VRK2: variants seen among roughly 807,000 people sequenced by gnomAD.
VRK2 encodes serine/threonine-protein kinase VRK2.
In VRK2, 60 loss-of-function variants were observed where a neutral mutation model predicts 57.6. The ratio of observed to expected loss-of-function variants is 1.04; its 90% CI spans 0.85 to 1.29. The LOEUF is 1.29. Among genes scored for constraint, VRK2 ranks in the 50% most tolerant of loss-of-function variants. The pLI, the probability that VRK2 is intolerant of heterozygous loss-of-function variation, is 0.00. For synonymous variants in VRK2, 231 were observed against 199.2 expected (o/e 1.16, Z -1.35); for missense variants, 705 against 588.1 (o/e 1.20, Z -2.06).
chr2:58,075,578 C>A (rs1669985949), intron 2 of VRK2, among the ~76,000 whole-genome samples: 1 of 152,100 alleles, frequency 6.6e-6, no homozygotes, highest in Non-Finnish European at 1.5e-5. Context: ...TAATAGTCAT[C>A]CTGACTGGTA....
chr2:57,939,635 G>A (rs1671029062), intron 1 of VRK2, among the ~76,000 whole-genome samples: 1 of 152,100 alleles, frequency 6.6e-6, no homozygotes, highest in South Asian at 2.1e-4. Flanking sequence ...TATACAAAAT[G>A]TTACTTTGAT....
At chr2:58,032,567 T>G (rs1010147395) in intron 2 of VRK2, among the ~76,000 whole-genome samples, 1 of 151,894 alleles carries the variant, frequency 6.6e-6, no homozygotes, top group Non-Finnish European at 1.5e-5. Flanking sequence ...ACTGACGCAG[T>G]TCTCCATCCT....
At chr2:58,107,449 G>A (rs911126988) in intron 7 of VRK2, among the ~76,000 whole-genome samples, 1 of 152,000 alleles carries the variant, frequency 6.6e-6, no homozygotes. Context: ...TTTAAAAAGT[G>A]GTGTCTAGCT....
At chr2:58,007,711 C>T (rs1457385357) in intron 1 of VRK2, among the ~76,000 whole-genome samples, 1 of 152,078 alleles carries the variant, frequency 6.6e-6, no homozygotes, top group Non-Finnish European at 1.5e-5. Context: ...AAAAGTTATA[C>T]ACAGATTTTC....
intron 12 of VRK2, among the ~76,000 whole-genome samples, chr2:58,159,006 C>CCCCCTTAAGATTA (rs1034849392): frequency 3.9e-5 from 6 of 152,152 alleles, no homozygotes; most frequent in Admixed American, 2.6e-4. Context: ...GGCTATCTTA[C>CCCCCTTAAGATTA]CCCCTTAAGA....
At chr2:58,110,342 T>G in intron 7 of VRK2, among the ~76,000 whole-genome samples, 1 of 152,274 alleles carries the variant, frequency 6.6e-6, no homozygotes, top group Middle Eastern at 3.4e-3. Context: ...TATATTCCTA[T>G]TTTTTCAATA....
At chr2:57,937,430 A>G (rs1441154822) in intron 1 of VRK2, among the ~76,000 whole-genome samples, 2 of 152,236 alleles carry the variant, frequency 1.3e-5, no homozygotes, top group African/African-American at 4.8e-5. Flanking sequence ...CACTAAGGAC[A>G]CAAATCACAG....
chr2:58,146,529 C>A, intron 12 of VRK2, 55 bp downstream of exon 12: 1 of 1,544,096 alleles, frequency 6.5e-7, no homozygotes, highest in South Asian at 1.2e-5. Flanking sequence ...TTAGAATATG[C>A]CCTTTGGGAA....
chr2:58,133,029 T>C (rs1679443218), intron 9 of VRK2, among the ~76,000 whole-genome samples: 1 of 152,188 alleles, frequency 6.6e-6, no homozygotes, highest in Admixed American at 6.5e-5. Context: ...GTTTTTGTAT[T>C]TAATTTTCCA....
At chr2:58,037,535 T>C (rs904023379) in intron 3 of VRK2, among the ~76,000 whole-genome samples, 3 of 152,104 alleles carry the variant, frequency 2.0e-5, no homozygotes, top group African/African-American at 4.8e-5. Flanking sequence ...AAAAAAGCTG[T>C]TTGTGGAAGA....
chr2:57,966,947 C>A (rs905526169), intron 1 of VRK2, among the ~76,000 whole-genome samples: 2 of 152,064 alleles, frequency 1.3e-5, no homozygotes, highest in Non-Finnish European at 1.5e-5. Flanking sequence ...GAAGGATCAG[C>A]ATGTGATCAG....
At chr2:57,956,632 G>A (rs73942255) in intron 1 of VRK2, among the ~76,000 whole-genome samples, 4,286 of 152,054 alleles carry the variant, frequency 0.028, 201 homozygotes, top group African/African-American at 0.098. Context: ...TTAGGTCTTC[G>A]TATGAAGAAC....
chr2:58,011,318 T>C (rs1343416518), intron 1 of VRK2, among the ~76,000 whole-genome samples: 7 of 152,172 alleles, frequency 4.6e-5, no homozygotes, highest in East Asian at 3.8e-4. Flanking sequence ...TCCAGTGAAA[T>C]TGGTTTTAGT....
At chr2:58,103,232 A>G (rs1674266784) in intron 7 of VRK2, among the ~76,000 whole-genome samples, 1 of 151,648 alleles carries the variant, frequency 6.6e-6, no homozygotes, top group African/African-American at 2.4e-5. Flanking sequence ...CAAAGATCAG[A>G]GCAGGACTAA....
At chr2:57,913,309 T>C (rs1670046815) in intron 1 of VRK2, among the ~76,000 whole-genome samples, 1 of 152,310 alleles carries the variant, frequency 6.6e-6, no homozygotes, top group East Asian at 1.9e-4. Flanking sequence ...AGGTATTTTA[T>C]AGGGATTACG....
At chr2:57,910,042 T>A (rs1470604924) in intron 1 of VRK2, among the ~76,000 whole-genome samples, 1 of 151,620 alleles carries the variant, frequency 6.6e-6, no homozygotes. Context: ...ATTAAAATGG[T>A]AAATCACTTG....
intron 2 of VRK2, among the ~76,000 whole-genome samples, chr2:58,061,456 A>G (rs1348993924): frequency 1.3e-5 from 2 of 151,984 alleles, no homozygotes; most frequent in Non-Finnish European, 2.9e-5. Context: ...CATTGGAAAA[A>G]AAGTCTGTAA....
chr2:57,947,698 A>G (rs1671304276), intron 1 of VRK2, among the ~76,000 whole-genome samples: 1 of 152,186 alleles, frequency 6.6e-6, no homozygotes, highest in Non-Finnish European at 1.5e-5. Flanking sequence ...TATCTATCAC[A>G]TGAGTTGTGT....
At chr2:58,044,783 A>C (rs973183525), upstream of VRK2, among the ~76,000 whole-genome samples, 2 of 152,210 alleles carry the variant, frequency 1.3e-5, no homozygotes, top group African/African-American at 2.4e-5. Context: ...CTGTGGTTGA[A>C]GAGAGTAATA....
Sources: gnomAD v4.1 joint callset for allele counts (sites outside exome capture counted in the v4.1 genomes callset) on GRCh38, gnomAD v4.1.1 for gene constraint, MANE v1.5 for transcripts, NCBI Gene and HGNC (gene_info 2026-07-23, HGNC 2026-07-21) for gene names.